LSM5: variants seen among roughly 807,000 people sequenced by gnomAD.
LSM5 encodes LSM5 homolog, U6 small nuclear RNA and mRNA degradation associated.
In LSM5, 8 loss-of-function variants were observed where a neutral mutation model predicts 13.8. The observed-to-expected ratio is 0.58, with a 90% CI of 0.34 to 1.04. The LOEUF (loss-of-function observed/expected upper bound fraction) is 1.04. Among genes scored for constraint, LSM5 ranks in the 50% least tolerant of loss-of-function variants. LSM5 has a pLI of 0.03. For missense variants in LSM5, 80 were observed against 108.1 expected, an observed-to-expected ratio of 0.74 and a Z score of 1.15; for synonymous variants, 35 against 37.0, an observed-to-expected ratio of 0.95 and a Z score of 0.20.
upstream of LSM5, among the ~76,000 whole-genome samples, chr7:32,492,496 G>A (rs1786616710): frequency 6.6e-6 from 1 of 151,860 alleles, no homozygotes; most frequent in East Asian, 1.9e-4. Context: ...ACTCCAGCCT[G>A]GCGACGGAGT....
At chr7:32,488,423 C>T in intron 3 of LSM5, 1 of 495,786 alleles carries the variant, frequency 2.0e-6, no homozygotes, top group Non-Finnish European at 3.6e-6. Context: ...AACTGTGTCT[C>T]CACTAATATT....
chr7:32,490,773 A>G (rs1388426496), upstream of LSM5: 1 of 206,408 alleles, frequency 4.8e-6, no homozygotes, highest in East Asian at 1.3e-4. Context: ...ACAACTACTC[A>G]TTAAGGAATC....
chr7:32,490,381 G>T (rs574361496), upstream of LSM5: 1 of 1,605,508 alleles, frequency 6.2e-7, no homozygotes, highest in Non-Finnish European at 8.5e-7. Flanking sequence ...CGCCGGAAGT[G>T]GCCTGCCTTC....
intron 1 of LSM5, 135 bp from the exon 2 acceptor site, chr7:32,489,479 A>G (rs1231254881): frequency 1.9e-5 from 12 of 625,578 alleles, no homozygotes; most frequent in Middle Eastern, 4.3e-4. Context: ...GTCTTATAAT[A>G]CAAATCTCAG....
chr7:32,487,862 C>G, intron 3 of LSM5, 105 bp from the exon 4 acceptor site: 1 of 653,628 alleles, frequency 1.5e-6, no homozygotes, highest in Non-Finnish European at 2.8e-6. Context: ...ATACAAATTA[C>G]ACTGAGGTTG....
chr7:32,490,161 G>A (rs758222271), intron 1 of LSM5, 159 bp downstream of exon 1: 137 of 1,547,650 alleles, frequency 8.9e-5, no homozygotes, highest in Middle Eastern at 5.0e-4. Context: ...TAAAGAGCAG[G>A]TGCGGCCTGC....
upstream of LSM5, among the ~76,000 whole-genome samples, chr7:32,491,952 G>A (rs75187219): frequency 1.1e-4 from 1 of 9,252 alleles, no homozygotes; most frequent in South Asian, 1.7e-3. Flanking sequence ...ACTGTAGGGC[G>A]CCTAATGAAT....
chr7:32,489,181 GATTGTCTAT>G, intron 2 of LSM5, 59 bp downstream of exon 2: 1 of 758,244 alleles, frequency 1.3e-6, no homozygotes. Flanking sequence ...CAAATATACT[GATTGTCTAT>G]AGTTCTTATG....
At chr7:32,489,990 A>G (rs1786540046) in intron 1 of LSM5, 1 of 1,272,564 alleles carries the variant, frequency 7.9e-7, no homozygotes, top group African/African-American at 1.5e-5. Context: ...TAATCTGGGG[A>G]TCGTAAACGC....
upstream of LSM5, among the ~76,000 whole-genome samples, chr7:32,491,185 C>G (rs1786576380): frequency 6.6e-6 from 1 of 152,158 alleles, no homozygotes; most frequent in African/African-American, 2.4e-5. Flanking sequence ...CACCTGAGGT[C>G]AGGAGTTCGA....
chr7:32,488,440 G>T, intron 3 of LSM5, 185 bp downstream of exon 3: 2 of 510,482 alleles, frequency 3.9e-6, no homozygotes, highest in South Asian at 2.9e-5. Flanking sequence ...TATTCTAGGC[G>T]TTTACTAATA....
chr7:32,487,649 C>G (rs149476175), intron 4 of LSM5, 36 bp downstream of exon 4: 1 of 1,131,760 alleles, frequency 8.8e-7, no homozygotes, highest in Non-Finnish European at 1.3e-6. Context: ...CAAAAATGGG[C>G]TCCCATCAAA....
chr7:32,485,835 T>C lies in LSM5; in HGVS notation c.*1426A>G, dbSNP rs1369459969. The C allele has an allele frequency of 1.3e-5, 2 of 151,412 alleles. No homozygotes were observed. Among genetic ancestry groups the C allele is most frequent in the Non-Finnish European group, 2.9e-5 (2 of 67,958 alleles). 9.4% of individuals were successfully genotyped at this position (151,412 alleles called of 1,614,324 possible). Reference sequence around the variant, plus strand: ...CAGGAGGGTGAGGCAGGACAATCACTTGAACCTGGGAGGCGGAGGTCGCGT... The same window carrying C: ...CAGGAGGGTGAGGCAGGACAATCACCTGAACCTGGGAGGCGGAGGTCGCGT... On this transcript the variant is annotated 3_prime_UTR_variant, in exon 5 of 5. Coordinates refer to ENST00000450169, the MANE Select transcript of LSM5 (RefSeq NM_012322.3).
chr7:32,488,769 G>T, intron 2 of LSM5, 117 bp from the exon 3 acceptor site: 1 of 715,590 alleles, frequency 1.4e-6, no homozygotes, highest in South Asian at 1.6e-5. Context: ...TGTCATCCAG[G>T]CTTAAGTGCA....
At chr7:32,493,404 C>T (rs543890180), upstream of LSM5, among the ~76,000 whole-genome samples, 55 of 152,120 alleles carry the variant, frequency 3.6e-4, no homozygotes, top group African/African-American at 1.3e-3. Flanking sequence ...AGGTGTGAGC[C>T]GCCATGCCCC....
upstream of LSM5, chr7:32,494,923 TA>T (rs1786704984): frequency 6.6e-6 from 1 of 152,038 alleles, no homozygotes; most frequent in African/African-American, 2.4e-5. Context: ...AAAAAAACTC[TA>T]GAAAGAAACA....
At chr7:32,489,482 AATCTC>A (rs1206489956) in intron 1 of LSM5, 138 bp from the exon 2 acceptor site, 27 of 619,604 alleles carry the variant, frequency 4.4e-5, no homozygotes, top group Non-Finnish European at 7.5e-5. Flanking sequence ...TTATAATACA[AATCTC>A]AGTTCAAGCA....
chr7:32,489,367 T>C, intron 1 of LSM5, 23 bp from the exon 2 acceptor site: 1 of 1,323,676 alleles, frequency 7.6e-7, no homozygotes, highest in East Asian at 2.3e-5. Flanking sequence ...AAAATATTAT[T>C]TTACCATTCA....
chr7:32,492,922 G>C (rs965754752), upstream of LSM5, among the ~76,000 whole-genome samples: 1 of 152,206 alleles, frequency 6.6e-6, no homozygotes, highest in African/African-American at 2.4e-5. Context: ...AGTTAAATTA[G>C]AAATTTTATT....
Sources: gnomAD v4.1 joint callset for allele counts (sites outside exome capture counted in the v4.1 genomes callset) on GRCh38, gnomAD v4.1.1 for gene constraint, MANE v1.5 for transcripts, NCBI Gene and HGNC (gene_info 2026-07-23, HGNC 2026-07-21) for gene names.